Variants in PELI2 observed in about 807,000 individuals in gnomAD.
PELI2 encodes the protein E3 ubiquitin-protein ligase pellino homolog 2.
In PELI2, 23 loss-of-function variants were observed where a neutral mutation model predicts 42.3. The observed-to-expected ratio is 0.54, with a 90% CI of 0.39 to 0.77. The LOEUF is 0.77. PELI2 is among the 30% of genes least tolerant of loss of function. The pLI is 0.00. For missense variants in PELI2, 463 were observed against 553.2 expected (o/e 0.84, Z 1.64); for synonymous variants, 245 against 212.2 (o/e 1.15, Z -1.34).
Position 56,164,778 on chromosome 14 carries a change from C to G in PELI2, c.78-13557C>G, listed in dbSNP as rs1884891144. Among the ~76,000 whole-genome samples the G allele has an allele frequency of 3.3e-5, 5 of 152,186 alleles. No homozygotes were observed. In the South Asian group the frequency reaches 1.0e-3, roughly 32 times the overall value. On this transcript the variant is annotated intron_variant, in intron 1 of 5. Transcript: ENST00000267460. The stretch of plus-strand genomic sequence containing the variant: ...TTCAATCTTTGTAAGTTGTGTGTAT[C>G]TAGGAATTTTTCCATTTCTTCTAGA...
chr14:56,286,236 A>G (rs1430230438), intron 3 of PELI2, among the ~76,000 whole-genome samples: 1 of 152,218 alleles, frequency 6.6e-6, no homozygotes. Context: ...TGGGAAAGGG[A>G]GAACATTGGA....
At chr14:56,163,103 C>T (rs553055156) in intron 1 of PELI2, among the ~76,000 whole-genome samples, 3 of 151,864 alleles carry the variant, frequency 2.0e-5, no homozygotes, top group South Asian at 2.1e-4. Flanking sequence ...TGACAAATGG[C>T]GCTTTGGTTG....
rs200311934 is a variant in PELI2 at position 56,296,877 on chromosome 14, G to A, written c.974G>A (p.Arg325Gln). 6 of 1,614,152 alleles carry A rather than the reference G, an allele frequency of 3.7e-6. No individual in the cohort carries two copies. The highest frequency in any genetic ancestry group is 1.7e-5 in the Admixed American group (1 of 60,026). ...HVHGYHNWGH[R>Q]SDTEANEREC... ...CACGGGTACCACAACTGGGGCCATC[G>A]GAGTGACACGGAGGCCAACGAGAGG... The change falls in exon 6 of 6, where the codon CGG becomes CAG. Residue 325 changes from arginine to glutamine, a missense_variant. Transcript: ENST00000267460.
At chr14:56,123,197 C>A (rs1349678948) in intron 1 of PELI2, among the ~76,000 whole-genome samples, 1 of 148,774 alleles carries the variant, frequency 6.7e-6, no homozygotes, top group Admixed American at 6.7e-5. Context: ...TTTTTAAAAG[C>A]AGGTCCCACT....
chr14:56,246,689 C>A (rs562532815), intron 2 of PELI2, among the ~76,000 whole-genome samples: 18 of 152,238 alleles, frequency 1.2e-4, no homozygotes, highest in Non-Finnish European at 1.9e-4. Flanking sequence ...TATTACTTTG[C>A]AAATAGTTTT....
chr14:56,250,908 C>T (rs770148159), intron 2 of PELI2, among the ~76,000 whole-genome samples: 4 of 152,128 alleles, frequency 2.6e-5, no homozygotes, highest in Non-Finnish European at 5.9e-5. Flanking sequence ...TCAGGAGAAA[C>T]CAGGAAGGAG....
chr14:56,273,873 G>T lies in PELI2; in HGVS notation c.208-5803G>T, dbSNP rs1319400346. On this transcript the variant is annotated intron_variant, in intron 2 of 5. Transcript: ENST00000267460. The surrounding 1 kb of genome is among the most constrained non-coding windows in gnomAD (Gnocchi z 4.3). ...TAAAACCCTGATTTTTATTCCAGAG[G>T]TCTGGGGACAGGTAGTTCCACGTTT... Among the ~76,000 whole-genome samples the T allele has an allele frequency of 6.6e-6, 1 of 152,174 alleles. No homozygotes were observed. The highest frequency in any genetic ancestry group is 2.4e-5 in the African/African-American group (1 of 41,440).
intron 1 of PELI2, among the ~76,000 whole-genome samples, chr14:56,129,368 G>A (rs980142349): frequency 3.9e-5 from 6 of 152,390 alleles, no homozygotes; most frequent in South Asian, 2.1e-4. Context: ...CAAGGGTGAG[G>A]TGAGATAACG....
chr14:56,176,513 C>A (rs1165417010), intron 1 of PELI2, among the ~76,000 whole-genome samples: 1 of 152,192 alleles, frequency 6.6e-6, no homozygotes, highest in African/African-American at 2.4e-5. Flanking sequence ...ACATGCTCCC[C>A]CTAACTGCCA....
intron 1 of PELI2, among the ~76,000 whole-genome samples, chr14:56,174,766 T>C (rs1194241288): frequency 6.6e-6 from 1 of 152,228 alleles, no homozygotes; most frequent in Admixed American, 6.5e-5. Flanking sequence ...TGTGGAACTT[T>C]TGAGTCAGTT....
chr14:56,150,038 A>G (rs565120318), intron 1 of PELI2, among the ~76,000 whole-genome samples: 1 of 152,340 alleles, frequency 6.6e-6, no homozygotes, highest in Non-Finnish European at 1.5e-5. Flanking sequence ...TAATACTATT[A>G]TTAAGAGGAA....
chr14:56,178,203 C>T, intron 1 of PELI2, 132 bp from the exon 2 acceptor site: 2 of 821,150 alleles, frequency 2.4e-6, no homozygotes, highest in Non-Finnish European at 3.8e-6. Context: ...CAACCCTTTC[C>T]TTTTGTGGAG....
intron 2 of PELI2, among the ~76,000 whole-genome samples, chr14:56,194,168 G>T (rs12881606): frequency 0.4 from 60,858 of 151,926 alleles, 12,941 homozygotes; most frequent in South Asian, 0.52. Flanking sequence ...TGGAAGCTGG[G>T]GCCCTGACTA....
intron 1 of PELI2, among the ~76,000 whole-genome samples, chr14:56,177,870 C>T (rs1358427638): frequency 6.6e-6 from 1 of 152,150 alleles, no homozygotes; most frequent in African/African-American, 2.4e-5. Flanking sequence ...GGTTGTCTTA[C>T]AAATAAAGAT....
chr14:56,187,769 AG>A (rs569490314), intron 2 of PELI2, among the ~76,000 whole-genome samples: 26 of 152,130 alleles, frequency 1.7e-4, no homozygotes, highest in Non-Finnish European at 3.4e-4. Context: ...GAGTGGCTTC[AG>A]GAAGATTTGG....
intron 2 of PELI2, among the ~76,000 whole-genome samples, chr14:56,251,289 A>C (rs1446725071): frequency 1.3e-5 from 2 of 152,176 alleles, no homozygotes; most frequent in African/African-American, 2.4e-5. Flanking sequence ...CACAGATGCA[A>C]TTATCCTCCT....
intron 1 of PELI2, among the ~76,000 whole-genome samples, chr14:56,148,331 C>T (rs907744748): frequency 1.3e-5 from 2 of 152,038 alleles, no homozygotes; most frequent in African/African-American, 2.4e-5. Context: ...GAGATGTGAC[C>T]CTGTTAAGAT....
At chr14:56,276,883 A>G (rs1436780364) in intron 2 of PELI2, among the ~76,000 whole-genome samples, 1 of 152,210 alleles carries the variant, frequency 6.6e-6, no homozygotes, top group Non-Finnish European at 1.5e-5. Flanking sequence ...CTCAACATTC[A>G]AAGCATCCTA....
rs111764774 is a variant in PELI2, at chr14:56,240,496, G to A, written c.208-39180G>A. 2.6e-5 allele frequency among the ~76,000 whole-genome samples: 4 copies of A among 152,264 alleles called. No individual in the cohort carries two copies. The East Asian group carries it at 7.7e-4, about 29-fold the overall frequency. The stretch of plus-strand genomic sequence containing the variant: ...ATAGTTTCGGTGCAGTTACGGGGGT[G>A]AATTGCCATATTTTAGATGGTTGGT... On this transcript the variant is annotated intron_variant, in intron 2 of 5. Coordinates refer to ENST00000267460, the MANE Select transcript of PELI2 (RefSeq NM_021255.3).
Sources: allele counts gnomAD v4.1 joint callset (sites outside exome capture counted in the v4.1 genomes callset), GRCh38; gene constraint gnomAD v4.1.1; non-coding constraint Gnocchi (gnomAD v3.1); transcripts MANE v1.5; gene names NCBI Gene and HGNC (gene_info 2026-07-23, HGNC 2026-07-21).